Variants in AURKB observed in about 807,000 individuals in gnomAD.
AURKB encodes the protein aurora kinase B-Sv1.
A neutral mutation model predicts 36.5 loss-of-function variants in AURKB; 28 were observed. The observed-to-expected ratio is 0.77, with a 90% CI of 0.57 to 1.05. The LOEUF is 1.05. Ranked by LOEUF, AURKB falls within the 50% of genes least tolerant of loss-of-function variation. The probability of loss-of-function intolerance (pLI) is 0.00; values close to 1 mark genes in which losing one functional copy is unlikely to be tolerated. For synonymous variants in AURKB, 175 were observed against 172.9 expected, an observed-to-expected ratio of 1.01 and a Z score of -0.09; for missense variants, 383 against 447.4, an observed-to-expected ratio of 0.86 and a Z score of 1.30.
chr17:8,205,073 C>T lies in AURKB; in HGVS notation c.862-29G>A, dbSNP rs191375912. On this transcript the variant is annotated intron_variant, in intron 8 of 8. Coordinates refer to ENST00000585124, the MANE Select transcript of AURKB (RefSeq NM_004217.4). Reference sequence around the variant, plus strand: ...CAGGTGTGAAGAGATGGAAGGGCTGCATTAGTTTCACCCTGGCTACATCTT... The same window carrying T: ...CAGGTGTGAAGAGATGGAAGGGCTGTATTAGTTTCACCCTGGCTACATCTT... 8.4e-5 allele frequency: 132 copies of T among 1,565,908 alleles called. 1 individual carries two copies. Among genetic ancestry groups the T allele is most frequent in the Admixed American group, 8.1e-4 (41 of 50,702 alleles).
At chr17:8,207,114 T>G (rs1477356504) in intron 5 of AURKB, 62 bp downstream of exon 5, 6 of 1,556,512 alleles carry the variant, frequency 3.9e-6, no homozygotes, top group Non-Finnish European at 5.2e-6. Flanking sequence ...GAAGTGGGGC[T>G]GAATGAGGAG....
At chr17:8,208,446 C>A (rs1239582159) in intron 2 of AURKB, among the ~76,000 whole-genome samples, 1 of 144,446 alleles carries the variant, frequency 6.9e-6, no homozygotes, top group African/African-American at 2.6e-5. Flanking sequence ...AAAAAATTAG[C>A]CAGGTGTGGT....
rs547455346 is a variant in AURKB, at chr17:8,206,347, TCTCGAA to T, written c.686+138_686+143del. On this transcript the variant is annotated intron_variant, in intron 7 of 8. Coordinates refer to ENST00000585124, the MANE Select transcript of AURKB (RefSeq NM_004217.4). This position sits in a 1 kb window ranked among gnomAD's most constrained non-coding sequence, Gnocchi z 4.2. ...GGTTTCATCATGTTGGCAAATCTAG[TCTCGAA>T]CTCCTGACCTCAGGTGATCCGCCCT... is the stretch of plus-strand genomic sequence containing the variant. The T allele has an allele frequency of 5.2e-4, 513 of 981,652 alleles. 7 individuals carry two copies. The South Asian group carries it at 8.2e-3, about 16-fold the overall frequency. The allele number at this position is 981,652 out of a possible 1,614,324, so 60.8% of individuals were successfully genotyped here. A position where few individuals can be genotyped will look rare whatever the true frequency, so the allele number is the denominator to read the frequency against.
In AURKB at chr17:8,204,893, G is replaced by A. The variant is rs779280853; in HGVS notation, c.1013C>T (p.Ser338Phe). 6.2e-7 allele frequency: 1 copy of A among 1,609,326 alleles called. No homozygotes were observed. Among genetic ancestry groups the A allele is most frequent in the South Asian group, 1.1e-5 (1 of 90,968 alleles). The change falls in exon 9 of 9, where the codon TCT (serine) becomes TTT (phenylalanine). Residue 338 changes from serine to phenylalanine, a missense_variant. Physicochemically the swap from Ser to Phe is radical, Grantham distance 155 (BLOSUM62 -2). Coordinates refer to ENST00000585124, the MANE Select transcript of AURKB (RefSeq NM_004217.4). Reference protein sequence around the residue: ...RANSRRVLPPSALQSVA With the variant: ...RANSRRVLPPFALQSVA ...CCATCAGGCGACAGATTGAAGGGCA[G>A]AGGGAGGCAGCACCCTCCGAGAGTT...
rs115026501 is a variant in AURKB at position 8,206,675 on chromosome 17, G to C, written c.538-36C>G. 1 of 1,613,866 alleles carries C rather than the reference G, an allele frequency of 6.2e-7. No individual in the cohort carries two copies. Among genetic ancestry groups the C allele is most frequent in the Non-Finnish European group, 8.5e-7 (1 of 1,179,904 alleles). On this transcript the variant is annotated intron_variant, in intron 6 of 8. Coordinates refer to ENST00000585124, the MANE Select transcript of AURKB (RefSeq NM_004217.4). This position sits in a 1 kb window ranked among gnomAD's most constrained non-coding sequence, Gnocchi z 4.2. ...CAACGACAGGCAATCAGACAAGGAT[G>C]GACCTCCAGCTACAAGCAGCACACC...
chr17:8,204,898 A>T lies in AURKB; in HGVS notation c.1008T>A (p.Pro336=). Residue 336 remains proline (P), a synonymous_variant, in exon 9 of 9, where the codon CCT becomes CCA. Coordinates refer to ENST00000585124, the MANE Select transcript of AURKB (RefSeq NM_004217.4). ...WVRANSRRVL[P]PSALQSVA is the part of the protein sequence containing the mutation. ...AGGCGACAGATTGAAGGGCAGAGGG[A>T]GGCAGCACCCTCCGAGAGTTGGCCC... The T allele has an allele frequency of 6.2e-7, 1 of 1,607,018 alleles. No homozygotes were observed. The highest frequency in any genetic ancestry group is 8.5e-7 in the Non-Finnish European group (1 of 1,178,376).
In AURKB at chr17:8,205,294, C is replaced by G. The variant is rs1003987329; in HGVS notation, c.783G>C (p.Val261=). 6 of 1,614,092 alleles carry G rather than the reference C, an allele frequency of 3.7e-6. No homozygotes were observed. In the African/African-American group the frequency reaches 8.0e-5, roughly 22 times the overall value. Residue 261 remains valine (V), a synonymous_variant, in exon 8 of 9, where the codon GTG becomes GTC. Transcript: ENST00000585124. ...NEKVDLWCIG[V]LCYELLVGNP... Reference sequence around the variant, plus strand: ...TCCCCACCAGCAGCTCATAGCAAAGCACTCCAATGCACCACAGATCCACCT... The same window carrying G: ...TCCCCACCAGCAGCTCATAGCAAAGGACTCCAATGCACCACAGATCCACCT...
chr17:8,210,199 G>C lies in AURKB; in HGVS notation c.26C>G (p.Pro9Arg), dbSNP rs148452780. The part of the protein sequence containing the change: MAQKENSY[P>R]WPYGRQTAPS... ...TACCGTCTGTCGGCCGTAGGGCCAG[G>C]GGTAGGAGTTCTCCTTCTGGGCCAT... Residue 9 changes from proline (P) to arginine (R), a missense_variant, in exon 2 of 9, where the codon CCC becomes CGC. Coordinates refer to ENST00000585124, the MANE Select transcript of AURKB (RefSeq NM_004217.4). The C allele has an allele frequency of 6.2e-7, 1 of 1,611,728 alleles. No individual in the cohort carries two copies. Among genetic ancestry groups the C allele is most frequent in the African/African-American group, 1.3e-5 (1 of 75,044 alleles).
chr17:8,207,849 G>T lies in AURKB; in HGVS notation c.49-9C>A, dbSNP rs776954637. 16 of 1,607,996 alleles carry T rather than the reference G, an allele frequency of 1.0e-5. No homozygotes were observed. In the East Asian group the frequency reaches 3.6e-4, roughly 36 times the overall value. On this transcript the variant is annotated splice_polypyrimidine_tract_variant and intron_variant, in intron 2 of 8. Coordinates refer to ENST00000585124, the MANE Select transcript of AURKB (RefSeq NM_004217.4). Reference sequence around the variant, plus strand: ...CTCAGGCCAGATGGAGCCTGAGAAGGAGCAGGGGGTAGCTCTGAGGGTGCC... The same window carrying T: ...CTCAGGCCAGATGGAGCCTGAGAAGTAGCAGGGGGTAGCTCTGAGGGTGCC...
rs777722327 is a variant in AURKB at position 8,207,582 on chromosome 17, G to A, written c.195C>T (p.Pro65=). 38 of 1,613,362 alleles carry A rather than the reference G, an allele frequency of 2.4e-5. No homozygotes were observed. The highest frequency in any genetic ancestry group is 3.0e-5 in the Non-Finnish European group (35 of 1,179,636). Residue 65 remains proline, a synonymous_variant, in exon 4 of 9, where the codon CCC becomes CCT. Transcript: ENST00000585124. The part of the protein sequence containing the change: ...QKVMENSSGT[P]DILTRHFTID... Reference sequence around the variant, plus strand: ...CTTGGGGCACTTACGTTAAGATGTCGGGTGTCCCACTGCTATTCTCCATCA... The same window carrying A: ...CTTGGGGCACTTACGTTAAGATGTCAGGTGTCCCACTGCTATTCTCCATCA...
Position 8,206,795 on chromosome 17 carries a change from C to A in AURKB, c.492G>T (p.Lys164Asn). The A allele has an allele frequency of 6.2e-7, 1 of 1,614,226 alleles. No individual in the cohort carries two copies. The highest frequency in any genetic ancestry group is 1.6e-4 in the Middle Eastern group (1 of 6,062). The change falls in exon 6 of 9, where the codon AAG (lysine) becomes AAT (asparagine). Residue 164 changes from lysine to asparagine, a missense_variant. Physicochemically the swap from Lys to Asn is moderately conservative, Grantham distance 94. Coordinates refer to ENST00000585124, the MANE Select transcript of AURKB (RefSeq NM_004217.4). The surrounding 1 kb of genome is among the most constrained non-coding windows in gnomAD (Gnocchi z 4.2). ...CAAATGTGCAGCTCTTCTGCAGCTC[C>A]TTGTAGAGCTCCCCGCGGGGGGCAT... ...LEYAPRGELY[K>N]ELQKSCTFDE... is the part of the protein sequence containing the mutation.
At chr17:8,207,880 C>T in intron 2 of AURKB, 40 bp from the exon 3 acceptor site, 1 of 1,527,004 alleles carries the variant, frequency 6.5e-7, no homozygotes, top group Non-Finnish European at 8.9e-7. Flanking sequence ...GTGCCTTTGT[C>T]TGATGACCGG....
intron 3 of AURKB, 39 bp downstream of exon 3, chr17:8,207,696 GTCA>G (rs776297642): frequency 1.9e-6 from 3 of 1,613,496 alleles, no homozygotes; most frequent in African/African-American, 2.7e-5. Flanking sequence ...CCCACAGACG[GTCA>G]TCTCCCCAGC....
intron 2 of AURKB, among the ~76,000 whole-genome samples, chr17:8,208,632 A>ATAAATAAAT (rs1555529387): frequency 2.9e-5 from 4 of 137,922 alleles, no homozygotes; most frequent in Non-Finnish European, 6.5e-5. Flanking sequence ...AAATAAATAA[A>ATAAATAAAT]AAATAAATAA....
chr17:8,206,466 G>C lies in AURKB; in HGVS notation c.686+25C>G. 6.2e-7 allele frequency: 1 copy of C among 1,613,600 alleles called. No individual in the cohort carries two copies. Among genetic ancestry groups the C allele is most frequent in the Admixed American group, 1.7e-5 (1 of 60,002 alleles). ...TTTTAATGGCCCAGCCTCACACCCA[G>C]GTCTGGCCTCCCAGGCCACCATACC... On this transcript the variant is annotated intron_variant, in intron 7 of 8. Transcript: ENST00000585124. This position sits in a 1 kb window ranked among gnomAD's most constrained non-coding sequence, Gnocchi z 4.2.
At chr17:8,209,858 C>A in intron 2 of AURKB, 32 of 359,694 alleles carry the variant, frequency 8.9e-5, no homozygotes, top group Middle Eastern at 1.4e-3. Flanking sequence ...TTTTTTTTTT[C>A]AGGATATGGA....
In AURKB at chr17:8,210,185, G is replaced by C. The variant is rs2151479972; in HGVS notation, c.40C>G (p.Arg14Gly). The C allele has an allele frequency of 6.2e-7, 1 of 1,612,332 alleles. No homozygotes were observed. The highest frequency in any genetic ancestry group is 2.2e-5 in the East Asian group (1 of 44,844). ...GGAGGGAAGGGCCTTACCGTCTGTC[G>C]GCCGTAGGGCCAGGGGTAGGAGTTC... is the stretch of plus-strand genomic sequence containing the variant. ...KENSYPWPYG[R>G]QTAPSGLSTL... Residue 14 changes from arginine (R) to glycine (G), a missense_variant, in exon 2 of 9, where the codon CGA becomes GGA. By Grantham distance (125) the Arg-to-Gly change is moderately radical. Transcript: ENST00000585124.
chr17:8,207,604 A>G lies in AURKB; in HGVS notation c.173T>C (p.Met58Thr), dbSNP rs1373405985. The G allele has an allele frequency of 6.2e-7, 1 of 1,613,322 alleles. No homozygotes were observed. The highest frequency in any genetic ancestry group is 1.3e-5 in the African/African-American group (1 of 74,796). Residue 58 changes from methionine (M) to threonine (T), a missense_variant, in exon 4 of 9, where the codon ATG becomes ACG. Met to Thr is a moderately conservative substitution (Grantham distance 81). This residue lies in a region of AURKB where 105 missense variants were observed against 95.7 expected (regional missense o/e 1.10). Coordinates refer to ENST00000585124, the MANE Select transcript of AURKB (RefSeq NM_004217.4). ...GTCGGGTGTCCCACTGCTATTCTCCATCACCTTCTGGCCAGGGGCAGCTAA... is the reference window on the plus strand; with the variant it reads ...GTCGGGTGTCCCACTGCTATTCTCCGTCACCTTCTGGCCAGGGGCAGCTAA... ...QPTAAPGQKVMENSSGTPDIL... is the reference protein window; with the variant it reads ...QPTAAPGQKVTENSSGTPDIL...
Position 8,206,485 on chromosome 17 carries a change from C to T in AURKB, c.686+6G>A. The T allele has an allele frequency of 2.5e-6, 4 of 1,614,098 alleles. No homozygotes were observed. Among genetic ancestry groups the T allele is most frequent in the Non-Finnish European group, 3.4e-6 (4 of 1,180,012 alleles). ...CACCCAGGTCTGGCCTCCCAGGCCA[C>T]CATACCTCAGGGAGGGCGCATGCAC... On this transcript the variant is annotated splice_donor_region_variant and intron_variant, in intron 7 of 8. Transcript: ENST00000585124. The surrounding 1 kb of genome is among the most constrained non-coding windows in gnomAD (Gnocchi z 4.2).
Sources: gnomAD v4.1 joint callset for allele counts (sites outside exome capture counted in the v4.1 genomes callset) on GRCh38, gnomAD v4.1.1 for gene constraint, gnomAD v4.1.1 regional missense constraint, Gnocchi (gnomAD v3.1) non-coding constraint, MANE v1.5 for transcripts, NCBI Gene and HGNC (gene_info 2026-07-23, HGNC 2026-07-21) for gene names.